The following TMEM132B variants were observed in gnomAD, a reference collection of about 807,000 sequenced individuals.
TMEM132B encodes the protein transmembrane protein 132B.
In TMEM132B, 18 loss-of-function variants were observed where a neutral mutation model predicts 90.8. The ratio of observed to expected loss-of-function variants is 0.20; its 90% CI spans 0.14 to 0.29. TMEM132B has a LOEUF of 0.29. Ranked by LOEUF, TMEM132B falls within the 10% of genes least tolerant of loss-of-function variation. The probability of loss-of-function intolerance (pLI) is 1.00; values close to 1 mark genes in which losing one functional copy is unlikely to be tolerated. For synonymous variants in TMEM132B, 504 were observed against 523.3 expected, an observed-to-expected ratio of 0.96 and a Z score of 0.50; for missense variants, 1,096 against 1,326.8, an observed-to-expected ratio of 0.83 and a Z score of 2.70.
At chr12:125,376,162 A>G (rs1878473901) in intron 2 of TMEM132B, among the ~76,000 whole-genome samples, 2 of 152,222 alleles carry the variant, frequency 1.3e-5, no homozygotes, top group African/African-American at 4.8e-5. Flanking sequence ...ATGAGAGCCC[A>G]CATCCCAGGC....
At chr12:125,446,156 T>G (rs1379057214) in intron 3 of TMEM132B, among the ~76,000 whole-genome samples, 1 of 152,226 alleles carries the variant, frequency 6.6e-6, no homozygotes, top group African/African-American at 2.4e-5. Context: ...AATAGTTATT[T>G]GTTTTAAATT....
intron 4 of TMEM132B, among the ~76,000 whole-genome samples, chr12:125,532,735 G>C (rs1383878400): frequency 6.6e-6 from 1 of 151,984 alleles, no homozygotes; most frequent in Non-Finnish European, 1.5e-5. Context: ...GGCTGGTCTT[G>C]AACTCCTGAC....
intron 1 of TMEM132B, among the ~76,000 whole-genome samples, chr12:125,343,739 T>A (rs1877267953): frequency 6.6e-6 from 1 of 152,200 alleles, no homozygotes; most frequent in Admixed American, 6.5e-5. Flanking sequence ...CTGTAAATGG[T>A]GTGCATCTCC....
chr12:125,604,156 T>C (rs1593017022), intron 5 of TMEM132B, among the ~76,000 whole-genome samples: 1 of 152,202 alleles, frequency 6.6e-6, no homozygotes, highest in African/African-American at 2.4e-5. Flanking sequence ...CATATGTTTA[T>C]TGCAGCACTA....
chr12:125,427,539 G>GA (rs1488386803), intron 3 of TMEM132B, among the ~76,000 whole-genome samples: 3 of 152,190 alleles, frequency 2.0e-5, no homozygotes, highest in Admixed American at 2.0e-4. Flanking sequence ...CGCAGTATCA[G>GA]AGTAATCTAA....
At chr12:125,557,479 TATCTA>T (rs1884418697) in intron 4 of TMEM132B, among the ~76,000 whole-genome samples, 1 of 152,224 alleles carries the variant, frequency 6.6e-6, no homozygotes, top group African/African-American at 2.4e-5. Context: ...CTGGGTCAAT[TATCTA>T]ATCTATCTTA....
intron 4 of TMEM132B, among the ~76,000 whole-genome samples, chr12:125,559,768 C>G (rs1054905563): frequency 1.3e-5 from 2 of 152,124 alleles, no homozygotes; most frequent in African/African-American, 2.4e-5. Context: ...GACTGGGGCT[C>G]CAGCTCTGCC....
At chr12:125,450,470 T>A (rs1289872300) in intron 3 of TMEM132B, among the ~76,000 whole-genome samples, 2 of 151,930 alleles carry the variant, frequency 1.3e-5, no homozygotes, top group Admixed American at 1.3e-4. Flanking sequence ...GTGTAGATAA[T>A]AAAACAAAAA....
At chr12:125,288,415 A>G (rs990804092) in intron 1 of TMEM132B, among the ~76,000 whole-genome samples, 1 of 146,830 alleles carries the variant, frequency 6.8e-6, no homozygotes, top group African/African-American at 2.5e-5. Flanking sequence ...GTGAGCCAAC[A>G]TCGCGCCACT....
At chr12:125,280,799 A>G (rs1875146226) in intron 1 of TMEM132B, among the ~76,000 whole-genome samples, 1 of 152,210 alleles carries the variant, frequency 6.6e-6, no homozygotes, top group Non-Finnish European at 1.5e-5. Flanking sequence ...GAGGATTAGG[A>G]AGGAAACCAG....
At chr12:125,584,297 A>G (rs1885127088) in intron 5 of TMEM132B, 2 of 340,078 alleles carry the variant, frequency 5.9e-6, no homozygotes, top group African/African-American at 4.2e-5. Flanking sequence ...CTTTCCTCGT[A>G]AGACAATATT....
rs75904059 is a variant in TMEM132B, at chr12:125,554,020, T to C, written c.1294-29831T>C. On this transcript the variant is annotated intron_variant, in intron 4 of 8. Coordinates refer to ENST00000682704, the MANE Select transcript of TMEM132B (RefSeq NM_001366854.1). Reference sequence around the variant, plus strand: ...AAACTCTCTTCCTGTTGATTATAAATGTACAGGGAAATGAAAAAAATAGTA... The same window carrying C: ...AAACTCTCTTCCTGTTGATTATAAACGTACAGGGAAATGAAAAAAATAGTA... Among the ~76,000 whole-genome samples the C allele has an allele frequency of 4.6e-3, 706 of 152,336 alleles. 5 individuals are homozygous for C. The highest frequency in any genetic ancestry group is 0.017 in the African/African-American group (693 of 41,576).
rs946266168 is a variant in TMEM132B, at chr12:125,215,750, C to T, written c.67+28884C>T. ...AGAGATGGGGTTTCACCATGTTGCC[C>T]AGGCTGGTCTTGAACTCCAGACCTC... On this transcript the variant is annotated intron_variant, in intron 1 of 8. Transcript: ENST00000682704. Among the ~76,000 whole-genome samples the T allele has an allele frequency of 2.0e-5, 3 of 152,232 alleles. No homozygotes were observed. In the South Asian group the frequency reaches 6.2e-4, roughly 31 times the overall value.
At chr12:125,383,110 T>C (rs1566018945) in intron 2 of TMEM132B, among the ~76,000 whole-genome samples, 1 of 152,160 alleles carries the variant, frequency 6.6e-6, no homozygotes, top group Non-Finnish European at 1.5e-5. Context: ...CTTAGCTGAA[T>C]TGAACTGGAC....
In TMEM132B at chr12:125,459,835, G is replaced by C. The variant is rs1438695003; in HGVS notation, c.1106+44158G>C. On this transcript the variant is annotated intron_variant, in intron 3 of 8. Transcript: ENST00000682704. This position sits in a 1 kb window ranked among gnomAD's most constrained non-coding sequence, Gnocchi z 4.1. The stretch of plus-strand genomic sequence containing the variant: ...GGGAGATAATTGAATCATGGGAGCA[G>C]TTTCCCCCATACTGTTTTCACGGTA... Among the ~76,000 whole-genome samples the C allele has an allele frequency of 1.3e-5, 2 of 152,180 alleles. No individual in the cohort carries two copies. The highest frequency in any genetic ancestry group is 2.9e-5 in the Non-Finnish European group (2 of 68,032).
intron 3 of TMEM132B, among the ~76,000 whole-genome samples, chr12:125,465,501 C>T (rs1383579516): frequency 6.6e-6 from 1 of 152,142 alleles, no homozygotes; most frequent in African/African-American, 2.4e-5. Context: ...AATGTCCTAT[C>T]CAACTCAATC....
chr12:125,493,803 G>T (rs1346024118), intron 3 of TMEM132B, among the ~76,000 whole-genome samples: 6 of 150,436 alleles, frequency 4.0e-5, no homozygotes, highest in Non-Finnish European at 8.9e-5. Flanking sequence ...GAATGGCCGT[G>T]TCCCTCCTCT....
chr12:125,560,105 T>C (rs569232807), intron 4 of TMEM132B, among the ~76,000 whole-genome samples: 1 of 152,282 alleles, frequency 6.6e-6, no homozygotes, highest in Non-Finnish European at 1.5e-5. Flanking sequence ...GAGGCTGTGC[T>C]TTCCCAGCTA....
At chr12:125,411,623 G>A (rs544537798) in intron 2 of TMEM132B, among the ~76,000 whole-genome samples, 1 of 152,262 alleles carries the variant, frequency 6.6e-6, no homozygotes, top group South Asian at 2.1e-4. Context: ...TAAATGGATG[G>A]CTGCTAGGAT....
Sources: allele counts gnomAD v4.1 joint callset (sites outside exome capture counted in the v4.1 genomes callset), GRCh38; gene constraint gnomAD v4.1.1; non-coding constraint Gnocchi (gnomAD v3.1); transcripts MANE v1.5; gene names NCBI Gene and HGNC (gene_info 2026-07-23, HGNC 2026-07-21).